Variants in DGKZ observed in about 807,000 individuals in gnomAD.
The protein encoded by DGKZ is diacylglycerol kinase zeta, also known as DAG kinase zeta.
Under a neutral mutation model 142.5 loss-of-function variants are expected in DGKZ, and 45 were observed. The ratio of observed to expected loss-of-function variants is 0.32; its 90% CI spans 0.25 to 0.40. DGKZ has a LOEUF of 0.40. Ranked by LOEUF, DGKZ falls within the 10% of genes least tolerant of loss-of-function variation. DGKZ has a pLI of 1.00. For synonymous variants in DGKZ, 442 were observed against 527.0 expected (o/e 0.84, Z 2.21); for missense variants, 755 against 1,306.5 (o/e 0.58, Z 6.51).
intron 1 of DGKZ, among the ~76,000 whole-genome samples, chr11:46,359,988 A>C (rs1942460581): frequency 6.6e-6 from 1 of 152,192 alleles, no homozygotes; most frequent in Non-Finnish European, 1.5e-5. Flanking sequence ...TTGGTGTAGT[A>C]GCAAAGAAAA....
chr11:46,340,805 G>C (rs1463355329), intron 1 of DGKZ, among the ~76,000 whole-genome samples: 2 of 152,218 alleles, frequency 1.3e-5, no homozygotes, highest in African/African-American at 2.4e-5. Flanking sequence ...GGCTTCAGCA[G>C]GTGCCCAGAT....
exon 14 of DGKZ, chr11:46,373,059 C>T (rs566613345): frequency 8.9e-5 from 137 of 1,544,038 alleles, no homozygotes; most frequent in Middle Eastern, 5.1e-4. Flanking sequence ...AGCCCAACCC[C>T]GAGGCAGGGC....
intron 6 of DGKZ, 41 bp from the exon 7 acceptor site, chr11:46,371,272 C>G (rs754065880): frequency 1.2e-5 from 19 of 1,597,068 alleles, no homozygotes; most frequent in South Asian, 3.3e-5. Flanking sequence ...GTCTGCTGCT[C>G]CACGCCTGCC....
At chr11:46,358,503 T>TG in intron 1 of DGKZ, among the ~76,000 whole-genome samples, 1 of 152,322 alleles carries the variant, frequency 6.6e-6, no homozygotes, top group Non-Finnish European at 1.5e-5. Context: ...CAAAAGTGCA[T>TG]GACATGAGCT....
chr11:46,367,692 A>G lies in DGKZ; in HGVS notation c.311A>G (p.Asn104Ser), dbSNP rs754971211. The G allele has an allele frequency of 2.4e-5, 39 of 1,610,454 alleles. No homozygotes were observed. Among genetic ancestry groups the G allele is most frequent in the Admixed American group, 6.7e-5 (4 of 59,962 alleles). Reference sequence around the variant, plus strand: ...GGGGAGCACATCTGGTTCGAGACCAACGTGTCCGGGGACTTCTGCTACGTT... The same window carrying G: ...GGGGAGCACATCTGGTTCGAGACCAGCGTGTCCGGGGACTTCTGCTACGTT... The change falls in exon 3 of 31, where the codon AAC (asparagine) becomes AGC (serine). Residue 104 changes from asparagine (N) to serine (S), a missense_variant. Transcript: ENST00000527911. This position sits in a 1 kb window ranked among gnomAD's most constrained non-coding sequence, Gnocchi z 4.1.
chr11:46,380,175 G>C (rs1430502208), exon 31 of DGKZ: 6 of 520,882 alleles, frequency 1.2e-5, no homozygotes, highest in Non-Finnish European at 2.0e-5. Flanking sequence ...GGCTCACAGG[G>C]AACAAGACAC....
At chr11:46,353,471 T>C (rs2136414485) in intron 1 of DGKZ, among the ~76,000 whole-genome samples, 1 of 151,954 alleles carries the variant, frequency 6.6e-6, no homozygotes, top group East Asian at 1.9e-4. Flanking sequence ...ATCCCTCAAG[T>C]CAGGGGAGCA....
rs1275686839 is a variant in DGKZ at position 46,369,978 on chromosome 11, G to A, written c.539G>A (p.Arg180His). The A allele has an allele frequency of 3.3e-5, 53 of 1,613,632 alleles. No homozygotes were observed. The highest frequency in any genetic ancestry group is 4.2e-5 in the Non-Finnish European group (49 of 1,180,012). Reference sequence around the variant, plus strand: ...CGGCACCACTGGGTACACAGACGACGCCAGGACGGCAAGTGTCGGCACTGT... The same window carrying A: ...CGGCACCACTGGGTACACAGACGACACCAGGACGGCAAGTGTCGGCACTGT... The change falls in exon 6 of 31, where the codon CGC (arginine) becomes CAC (histidine). Residue 180 changes from arginine to histidine, a missense_variant. Physicochemically the swap from Arg to His is conservative, Grantham distance 29. This residue lies in a region of DGKZ where 142 missense variants were observed against 244.4 expected (regional missense o/e 0.58). Transcript: ENST00000527911.
intron 1 of DGKZ, chr11:46,366,366 C>G: frequency 1.3e-6 from 2 of 1,522,318 alleles, no homozygotes; most frequent in South Asian, 1.2e-5. Flanking sequence ...CGGCGTCGCT[C>G]CCCCGCTGGG....
chr11:46,364,511 T>A, intron 1 of DGKZ: 1 of 1,216,266 alleles, frequency 8.2e-7, no homozygotes, highest in Non-Finnish European at 1.0e-6. Flanking sequence ...ATAAGAGCAC[T>A]GCCCTGACCT....
At chr11:46,366,619 T>A (rs773911914) in intron 1 of DGKZ, 1 of 1,606,600 alleles carries the variant, frequency 6.2e-7, no homozygotes, top group Non-Finnish European at 8.5e-7. Context: ...AGGAGGAGGG[T>A]GTCCAGGAGG....
At chr11:46,375,158 TTG>T (rs1193223760) in intron 19 of DGKZ, 113 bp downstream of exon 19, 1 of 1,051,124 alleles carries the variant, frequency 9.5e-7, no homozygotes, top group Non-Finnish European at 1.3e-6. Flanking sequence ...CCTCCCTTCT[TTG>T]TCTCATTCCT....
At chr11:46,366,644 G>T in intron 1 of DGKZ, 1 of 1,600,966 alleles carries the variant, frequency 6.2e-7, no homozygotes, top group Non-Finnish European at 8.5e-7. Context: ...GGTAGCCGAG[G>T]CATCGAGCGC....
intron 1 of DGKZ, among the ~76,000 whole-genome samples, chr11:46,348,726 G>T (rs755887189): frequency 3.3e-5 from 5 of 152,202 alleles, no homozygotes; most frequent in Admixed American, 6.5e-5. Context: ...GTCGTGAGCC[G>T]CTGCCTGCCC....
rs190799029 is a variant in DGKZ, at chr11:46,379,207, C to A, written c.2544C>A (p.Pro848=). The stretch of plus-strand genomic sequence containing the variant: ...CCACCACCTCCCCTTCTCCAGCCCC[C>A]CCAGAGATCCTTGATGCGGTGGAGG... The change falls in exon 29 of 31, where the codon CCC becomes CCA. Residue 848 remains proline, a synonymous_variant. Transcript: ENST00000527911. 4 of 1,613,108 alleles carry A rather than the reference C, an allele frequency of 2.5e-6. No homozygotes were observed. Among genetic ancestry groups the A allele is most frequent in the Admixed American group, 3.3e-5 (2 of 60,016 alleles).
exon 31 of DGKZ, chr11:46,379,889 T>C: frequency 1.2e-6 from 2 of 1,610,062 alleles, no homozygotes; most frequent in Non-Finnish European, 1.7e-6. Context: ...GCCGCCTACC[T>C]GGAGAACCGG....
intron 1 of DGKZ, among the ~76,000 whole-genome samples, chr11:46,363,397 G>C (rs118102951): frequency 2.6e-5 from 4 of 152,202 alleles, no homozygotes; most frequent in African/African-American, 9.6e-5. Context: ...ACTGAGGCCC[G>C]TGAGGGGCCA....
chr11:46,378,975 T>C lies in DGKZ; in HGVS notation c.2419-16T>C, dbSNP rs374051540. On this transcript the variant is annotated splice_polypyrimidine_tract_variant and intron_variant, in intron 27 of 30. Transcript: ENST00000527911. The stretch of plus-strand genomic sequence containing the variant: ...GGCCCCAGGAGGTCCAGCCCTGCCA[T>C]GCCTCCTGCCCTCAGCTCCAGGAGC... 1.7e-5 allele frequency: 26 copies of C among 1,522,676 alleles called. No homozygotes were observed. Among genetic ancestry groups the C allele is most frequent in the South Asian group, 6.2e-5 (5 of 80,248 alleles). The allele number at this position is 1,522,676 out of a possible 1,614,324, so 94.3% of individuals were successfully genotyped here.
chr11:46,375,646 GC>G lies in DGKZ; in HGVS notation c.1910+17del. On this transcript the variant is annotated intron_variant, in intron 20 of 30. Coordinates refer to ENST00000527911, the Ensembl canonical transcript of DGKZ. ...CTGCACAGCGAGTACGTCCCACCCT[GC>G]CACGTGCCCTGGGTGCCAAGGCCAG... is the stretch of plus-strand genomic sequence containing the variant. 6.5e-7 allele frequency: 1 copy of G among 1,544,532 alleles called. No homozygotes were observed.
Sources: gnomAD v4.1 joint callset for allele counts (sites outside exome capture counted in the v4.1 genomes callset) on GRCh38, gnomAD v4.1.1 for gene constraint, gnomAD v4.1.1 regional missense constraint, Gnocchi (gnomAD v3.1) non-coding constraint, MANE v1.5 for transcripts, NCBI Gene and HGNC (gene_info 2026-07-23, HGNC 2026-07-21) for gene names.